PCDHGB6: variants seen among roughly 807,000 people sequenced by gnomAD.
The protein encoded by PCDHGB6 is protocadherin gamma-B6.
PCDHGB6 carries 51 observed loss-of-function variants against 59.1 expected under a neutral mutation model. That is an observed-to-expected ratio of 0.86 (90% CI 0.69 to 1.09). The LOEUF (loss-of-function observed/expected upper bound fraction) is 1.09. Among genes scored for constraint, PCDHGB6 ranks in the 50% least tolerant of loss-of-function variants. The pLI is 0.00. For missense variants in PCDHGB6, 1,148 were observed against 1,205.1 expected, an observed-to-expected ratio of 0.95 and a Z score of 0.70; for synonymous variants, 466 against 495.1, an observed-to-expected ratio of 0.94 and a Z score of 0.78.
intron 1 of PCDHGB6, among the ~76,000 whole-genome samples, chr5:141,461,415 T>C (rs2099015091): frequency 6.6e-6 from 1 of 152,152 alleles, no homozygotes; most frequent in Non-Finnish European, 1.5e-5. Flanking sequence ...TTTCATATGT[T>C]TGTGGGCCAT....
In PCDHGB6 at chr5:141,487,819, C is replaced by A; in HGVS notation, c.2419-6988C>A. 2.3e-6 allele frequency: 3 copies of A among 1,285,528 alleles called. No homozygotes were observed. Among genetic ancestry groups the A allele is most frequent in the Non-Finnish European group, 3.2e-6 (3 of 932,998 alleles). 79.6% of individuals were successfully genotyped at this position (1,285,528 alleles called of 1,614,324 possible). On this transcript the variant is annotated intron_variant, in intron 1 of 3. Transcript: ENST00000520790. This position sits in a 1 kb window ranked among gnomAD's most constrained non-coding sequence, Gnocchi z 5.0. ...AGTTGTCACAGTTTAGCATTGGGGG[C>A]GGGTCATGCCTATATCTGAGTAAGA...
At chr5:141,495,236 A>G (rs2099759742) in intron 2 of PCDHGB6, among the ~76,000 whole-genome samples, 1 of 152,168 alleles carries the variant, frequency 6.6e-6, no homozygotes, top group South Asian at 2.1e-4. Flanking sequence ...GGGCTCCATT[A>G]TGACCTGGGG....
intron 1 of PCDHGB6, chr5:141,420,464 C>A: frequency 1.2e-6 from 1 of 801,488 alleles, no homozygotes; most frequent in South Asian, 4.0e-5. Flanking sequence ...TATTCAAAGA[C>A]ATTTTAAAGC....
At chr5:141,467,280 T>G (rs1021597111) in intron 1 of PCDHGB6, among the ~76,000 whole-genome samples, 58 of 152,272 alleles carry the variant, frequency 3.8e-4, no homozygotes, top group Admixed American at 2.6e-4. Flanking sequence ...CTCGAACTCT[T>G]GACCTCAAGT....
intron 1 of PCDHGB6, chr5:141,421,835 G>T: frequency 6.2e-7 from 1 of 1,613,746 alleles, no homozygotes. Flanking sequence ...AGCCTGGACC[G>T]AGAGAAAGAG....
Position 141,432,093 on chromosome 5 carries a change from C to G in PCDHGB6, c.2418+21473C>G. On this transcript the variant is annotated intron_variant, in intron 1 of 3. Coordinates refer to ENST00000520790, the MANE Select transcript of PCDHGB6 (RefSeq NM_018926.3). This position sits in a 1 kb window ranked among gnomAD's most constrained non-coding sequence, Gnocchi z 6.0. ...CATATCTCGCTGAACGTGGCAGACA[C>G]CAACGACAACCCGCCGGTCTTCCCT... 1 of 1,614,170 alleles carries G rather than the reference C, an allele frequency of 6.2e-7. No individual in the cohort carries two copies. The highest frequency in any genetic ancestry group is 8.5e-7 in the Non-Finnish European group (1 of 1,180,046).
Position 141,486,429 on chromosome 5 carries a change from C to G in PCDHGB6, c.2419-8378C>G, listed in dbSNP as rs2099629385. On this transcript the variant is annotated intron_variant, in intron 1 of 3. Transcript: ENST00000520790. The surrounding 1 kb of genome is among the most constrained non-coding windows in gnomAD (Gnocchi z 5.0). ...GGACCCTTGGATCGAGAGGCCAAAT[C>G]TAGCTATGACATCATGGTCACTGCT... 1.1e-5 allele frequency: 17 copies of G among 1,614,192 alleles called. No homozygotes were observed. Among genetic ancestry groups the G allele is most frequent in the Non-Finnish European group, 1.4e-5 (17 of 1,180,008 alleles).
At position 141,487,507 on chromosome 5, in the gene PCDHGB6, A is replaced by C; in HGVS notation, c.2419-7300A>C. 6.2e-7 allele frequency: 1 copy of C among 1,614,138 alleles called. No individual in the cohort carries two copies. Among genetic ancestry groups the C allele is most frequent in the Non-Finnish European group, 8.5e-7 (1 of 1,180,028 alleles). On this transcript the variant is annotated intron_variant, in intron 1 of 3. Coordinates refer to ENST00000520790, the MANE Select transcript of PCDHGB6 (RefSeq NM_018926.3). This position sits in a 1 kb window ranked among gnomAD's most constrained non-coding sequence, Gnocchi z 5.0. ...ATGGCTGTACACCCTTGGCTTCTGC[A>C]CCCACTCGGAGTGATAGCTTCATGA...
chr5:141,415,690 G>C (rs1218128531), intron 1 of PCDHGB6: 4 of 1,512,972 alleles, frequency 2.6e-6, no homozygotes, highest in Non-Finnish European at 3.6e-6. Context: ...CATGATGGTG[G>C]AAAGTGTAAA....
rs2095935492 is a variant in PCDHGB6 at position 141,415,755 on chromosome 5, T to TG, written c.2418+5135_2418+5136insG. ...GTTTATTAAGGTTTTTTTTTTTTTT[T>TG]TTTTTTTTTTTTTTTTTACTTTCTG... On this transcript the variant is annotated intron_variant, in intron 1 of 3. Coordinates refer to ENST00000520790, the MANE Select transcript of PCDHGB6 (RefSeq NM_018926.3). 10 of 1,387,646 alleles carry TG rather than the reference T, an allele frequency of 7.2e-6. No individual in the cohort carries two copies. The African/African-American group carries it at 1.4e-4, about 19-fold the overall frequency. The allele number at this position is 1,387,646 out of a possible 1,614,324, so 86.0% of individuals were successfully genotyped here.
In PCDHGB6 at chr5:141,503,243, C is replaced by T. The variant is rs146741382; in HGVS notation, c.2478-2150C>T. Among the ~76,000 whole-genome samples the T allele has an allele frequency of 3.1e-4, 47 of 152,198 alleles. No individual in the cohort carries two copies. The East Asian group carries it at 8.9e-3, about 29-fold the overall frequency. ...CACCGTAAAGATGGACAGTTTCTAT[C>T]ATACTCACAGCCACAACCCCAGCAC... On this transcript the variant is annotated intron_variant, in intron 2 of 3. Coordinates refer to ENST00000520790, the MANE Select transcript of PCDHGB6 (RefSeq NM_018926.3).
chr5:141,410,847 G>GTTT (rs773839667), intron 1 of PCDHGB6: 4 of 158,330 alleles, frequency 2.5e-5, no homozygotes, highest in South Asian at 1.1e-4. Context: ...TTTTGTCTTT[G>GTTT]TCTTTTTTTT....
intron 1 of PCDHGB6, 106 bp from the exon 2 acceptor site, chr5:141,494,701 C>T: frequency 6.3e-7 from 1 of 1,594,596 alleles, no homozygotes; most frequent in Admixed American, 1.7e-5. Flanking sequence ...CCGTTTTCTT[C>T]TCTGTGCCCA....
At chr5:141,425,756 A>G (rs1282506394) in intron 1 of PCDHGB6, among the ~76,000 whole-genome samples, 1 of 152,228 alleles carries the variant, frequency 6.6e-6, no homozygotes, top group Non-Finnish European at 1.5e-5. Flanking sequence ...TTTTTGTTCT[A>G]CAACAGGAGA....
Position 141,494,802 on chromosome 5 carries a change from C to T in PCDHGB6, c.2419-5C>T. 5 of 1,614,120 alleles carry T rather than the reference C, an allele frequency of 3.1e-6. No individual in the cohort carries two copies. The highest frequency in any genetic ancestry group is 4.2e-6 in the Non-Finnish European group (5 of 1,180,016). ...TCAGCCCCTTTCCCTCTGTTTTCTC[C>T]ACAGCAAGCCCCGCCCAACACGGAC... is the stretch of plus-strand genomic sequence containing the variant. On this transcript the variant is annotated splice_polypyrimidine_tract_variant and splice_region_variant and intron_variant, in intron 1 of 3. Transcript: ENST00000520790.
Position 141,422,340 on chromosome 5 carries a change from T to C in PCDHGB6, c.2418+11720T>C, listed in dbSNP as rs776306472. ...CAGGTACAGTGATTGCTCTTCTAAA[T>C]GTGCAAGATCAAGATTCTGGAGAAA... On this transcript the variant is annotated intron_variant, in intron 1 of 3. Transcript: ENST00000520790. 2.6e-6 allele frequency: 4 copies of C among 1,550,190 alleles called. 1 individual carries two copies. Among genetic ancestry groups the C allele is most frequent in the Non-Finnish European group, 3.5e-6 (4 of 1,154,238 alleles).
chr5:141,431,438 C>A lies in PCDHGB6; in HGVS notation c.2418+20818C>A, dbSNP rs773812765. 6.2e-7 allele frequency: 1 copy of A among 1,613,612 alleles called. No homozygotes were observed. The highest frequency in any genetic ancestry group is 1.7e-5 in the Admixed American group (1 of 60,004). ...CGACCCGGTGCGCACAGGCACCGCG[C>A]GCATCCGCGTGATGGTTCTGGATGC... On this transcript the variant is annotated intron_variant, in intron 1 of 3. Coordinates refer to ENST00000520790, the MANE Select transcript of PCDHGB6 (RefSeq NM_018926.3). This position sits in a 1 kb window ranked among gnomAD's most constrained non-coding sequence, Gnocchi z 4.8.
At chr5:141,421,120 G>T (rs747126094) in intron 1 of PCDHGB6, 4 of 779,870 alleles carry the variant, frequency 5.1e-6, no homozygotes, top group Non-Finnish European at 7.9e-6. Flanking sequence ...ATTTTCCTTC[G>T]CTTTCTGATA....
intron 1 of PCDHGB6, chr5:141,414,147 A>G: frequency 6.3e-7 from 1 of 1,599,090 alleles, no homozygotes; most frequent in Non-Finnish European, 8.5e-7. Flanking sequence ...TAGAAATACA[A>G]GCAGAAGATG....
Sources: gnomAD v4.1 joint callset for allele counts (sites outside exome capture counted in the v4.1 genomes callset) on GRCh38, gnomAD v4.1.1 for gene constraint, Gnocchi (gnomAD v3.1) non-coding constraint, MANE v1.5 for transcripts, NCBI Gene and HGNC (gene_info 2026-07-23, HGNC 2026-07-21) for gene names.